The following MYB variants were observed in gnomAD, a reference collection of about 807,000 sequenced individuals.
The protein encoded by MYB is MYB proto-oncogene, transcription factor, also known as transcriptional activator Myb.
A neutral mutation model predicts 92.9 loss-of-function variants in MYB; 28 were observed. The ratio of observed to expected loss-of-function variants is 0.30; its 90% CI spans 0.22 to 0.41. The LOEUF is 0.41. Ranked by LOEUF, MYB falls within the 10% of genes least tolerant of loss-of-function variation. The pLI, the probability that MYB is intolerant of heterozygous loss-of-function variation, is 1.00. For missense variants in MYB, 679 were observed against 929.3 expected, an observed-to-expected ratio of 0.73 and a Z score of 3.50; for synonymous variants, 295 against 329.1, an observed-to-expected ratio of 0.90 and a Z score of 1.12.
At chr6:135,201,897 A>T in intron 14 of MYB, 148 bp downstream of exon 14, 1 of 419,606 alleles carries the variant, frequency 2.4e-6, no homozygotes, top group Non-Finnish European at 4.2e-6. Flanking sequence ...ATTTTTAAAA[A>T]ATGATTATTA....
chr6:135,184,322 C>CTTTT, intron 1 of MYB, among the ~76,000 whole-genome samples: 8 of 68,414 alleles, frequency 1.2e-4, no homozygotes, highest in African/African-American at 1.8e-4. Flanking sequence ...GGCTTTATAG[C>CTTTT]TTTTTTTTTT....
rs2229999 is a variant in MYB, at chr6:135,195,806, C to T, written c.1007C>T (p.Thr336Ile). 5.8e-4 allele frequency: 929 copies of T among 1,614,144 alleles called. 3 individuals carry two copies. In the African/African-American group the frequency reaches 0.011, roughly 19 times the overall value. ...GWHSTTIADHTRPHGDSAPVS... is the reference protein window; with the variant it reads ...GWHSTTIADHIRPHGDSAPVS... ...CACAGCACCACCATTGCCGACCACA[C>T]CAGACCTCATGGAGACAGTGCACCT... Residue 336 changes from threonine to isoleucine, a missense_variant, in exon 9 of 16, where the codon ACC (threonine) becomes ATC (isoleucine). Around this residue, in one of 8 missense-constraint regions of MYB, gnomAD observed 56 missense variants for 55.8 expected, o/e 1.00. Transcript: ENST00000341911.
At chr6:135,217,825 T>G (rs1202921499) in intron 15 of MYB, 39 bp from the exon 16 acceptor site, 1 of 1,430,836 alleles carries the variant, frequency 7.0e-7, no homozygotes, top group Admixed American at 1.7e-5. Context: ...AATGAGCTTC[T>G]TTGTCTGACG....
intron 14 of MYB, 109 bp from the exon 15 acceptor site, chr6:135,203,108 A>C (rs1778363819): frequency 1.2e-6 from 1 of 817,060 alleles, no homozygotes; most frequent in Admixed American, 2.1e-5. Flanking sequence ...GCATTTTTTT[A>C]TGCTAATGTG....
rs1250517270 is a variant in MYB at position 135,186,038 on chromosome 6, C to T, written c.141+18C>T. The T allele has an allele frequency of 6.3e-7, 1 of 1,595,970 alleles. No homozygotes were observed. The highest frequency in any genetic ancestry group is 1.1e-5 in the South Asian group (1 of 90,658). On this transcript the variant is annotated intron_variant, in intron 2 of 15. Coordinates refer to ENST00000341911, the MANE Select transcript of MYB (RefSeq NM_001130173.2). ...GGGAAGAGGTAACTAATCATTTTAT[C>T]AAGACGCAGAAAATAGATAGAGTGT...
intron 3 of MYB, among the ~76,000 whole-genome samples, chr6:135,188,769 C>T (rs776994259): frequency 4.6e-5 from 7 of 152,138 alleles, no homozygotes; most frequent in African/African-American, 1.2e-4. Context: ...CTCAGCCTCC[C>T]GAAGTGCTAG....
chr6:135,193,744 C>A, intron 6 of MYB, 94 bp from the exon 7 acceptor site: 2 of 740,616 alleles, frequency 2.7e-6, no homozygotes, highest in South Asian at 2.0e-5. Flanking sequence ...TGTTTTTTTT[C>A]TCTCAGTCCC....
Position 135,200,381 on chromosome 6 carries a change from A to C in MYB, c.1916A>C (p.Asn639Thr). The C allele has an allele frequency of 6.2e-7, 1 of 1,614,188 alleles. No individual in the cohort carries two copies. The highest frequency in any genetic ancestry group is 1.1e-5 in the South Asian group (1 of 91,080). Residue 639 changes from asparagine (N) to threonine (T), a missense_variant, in exon 13 of 16, where the codon AAT becomes ACT. Asn to Thr is a moderately conservative substitution (Grantham distance 65). This residue lies in a region of MYB where 402 missense variants were observed against 434.2 expected (regional missense o/e 0.93). Coordinates refer to ENST00000341911, the MANE Select transcript of MYB (RefSeq NM_001130173.2). ...GGAATTGTTGCTGAGTTTCAAGAAA[A>C]TGGACCACCCTTACTGAAGAAAATC... The part of the protein sequence containing the change: ...ESGIVAEFQE[N>T]GPPLLKKIKQ...
chr6:135,186,170 C>T (rs1297638965), intron 2 of MYB, 150 bp downstream of exon 2: 13 of 624,342 alleles, frequency 2.1e-5, no homozygotes, highest in Non-Finnish European at 3.1e-5. Flanking sequence ...CCCTATGCCC[C>T]CCACTTCATT....
rs918678690 is a variant in MYB at position 135,182,979 on chromosome 6, T to C, written c.23+1443T>C. Among the ~76,000 whole-genome samples the C allele has an allele frequency of 6.7e-6, 1 of 149,874 alleles. No individual in the cohort carries two copies. Among genetic ancestry groups the C allele is most frequent in the African/African-American group, 2.5e-5 (1 of 40,676 alleles). On this transcript the variant is annotated intron_variant, in intron 1 of 15. Coordinates refer to ENST00000341911, the MANE Select transcript of MYB (RefSeq NM_001130173.2). The surrounding 1 kb of genome is among the most constrained non-coding windows in gnomAD (Gnocchi z 5.6). ...GGGCTCCACTTTTCGCCTTTAGGACTTCACAGGACAGCTACCGGGGTCATC... is the reference window on the plus strand; with the variant it reads ...GGGCTCCACTTTTCGCCTTTAGGACCTCACAGGACAGCTACCGGGGTCATC...
At chr6:135,197,967 A>G (rs1274227029) in intron 10 of MYB, among the ~76,000 whole-genome samples, 1 of 152,238 alleles carries the variant, frequency 6.6e-6, no homozygotes, top group East Asian at 1.9e-4. Context: ...TTTTTAAGGC[A>G]TGAAAATCAC....
intron 11 of MYB, chr6:135,199,690 CA>C: frequency 2.6e-6 from 1 of 380,658 alleles, no homozygotes; most frequent in African/African-American, 2.2e-5. Flanking sequence ...TTTCGAAGTA[CA>C]AAAAGTAAAT....
At chr6:135,205,839 A>G (rs988213873) in intron 15 of MYB, among the ~76,000 whole-genome samples, 1 of 152,158 alleles carries the variant, frequency 6.6e-6, no homozygotes, top group Admixed American at 6.5e-5. Flanking sequence ...GGAAGCCAAG[A>G]CTGGAGGATA....
rs544172826 is a variant in MYB at position 135,217,873 on chromosome 6, A to G, written c.2179A>G (p.Ser727Gly). Residue 727 changes from serine to glycine, a missense_variant, in exon 16 of 16, where the codon AGT (serine) becomes GGT (glycine). This residue lies in a region of MYB where 402 missense variants were observed against 434.2 expected (regional missense o/e 0.93). Transcript: ENST00000341911. ...TCCCTTTCTCCATCAGCCTTGTAGC[A>G]GTACCTGGGAACCTGCATCCTGTGG... The part of the protein sequence containing the change: ...SLASPLQPCS[S>G]TWEPASCGKM... 14 of 1,609,294 alleles carry G rather than the reference A, an allele frequency of 8.7e-6. No individual in the cohort carries two copies. The East Asian group carries it at 1.6e-4, about 18-fold the overall frequency.
rs1388082769 is a variant in MYB at position 135,200,334 on chromosome 6, C to T, written c.1869C>T (p.Ile623=). 1 of 1,614,072 alleles carries T rather than the reference C, an allele frequency of 6.2e-7. No individual in the cohort carries two copies. The highest frequency in any genetic ancestry group is 1.1e-5 in the South Asian group (1 of 91,048). ...SHLVEDLQDV[I]KQESDESGIV... ...TAGTAGAAGATCTGCAGGATGTGAT[C>T]AAACAGGAATCTGATGAATCTGGAA... The change falls in exon 13 of 16, where the codon ATC becomes ATT. Residue 623 remains isoleucine, a synonymous_variant. Coordinates refer to ENST00000341911, the MANE Select transcript of MYB (RefSeq NM_001130173.2).
At chr6:135,187,309 A>G (rs1008380108) in intron 2 of MYB, among the ~76,000 whole-genome samples, 23 of 152,324 alleles carry the variant, frequency 1.5e-4, no homozygotes, top group African/African-American at 5.1e-4. Flanking sequence ...TCTTTATAAA[A>G]AGTTAAACTA....
chr6:135,197,061 A>G lies in MYB; in HGVS notation c.1304A>G (p.Gln435Arg), dbSNP rs1777421839. The change falls in exon 10 of 16, where the codon CAA (glutamine) becomes CGA (arginine). Residue 435 changes from glutamine (Q) to arginine (R), a missense_variant. Physicochemically the swap from Gln to Arg is conservative, Grantham distance 43. Coordinates refer to ENST00000341911, the MANE Select transcript of MYB (RefSeq NM_001130173.2). ...HHTGKALQLQ[Q>R]REGNGTKPAG... ...ACAGGCAAAGCCCTACAGCTTCAGCAAAGAGAGGGCAATGGGACTAAACCT... is the reference window on the plus strand; with the variant it reads ...ACAGGCAAAGCCCTACAGCTTCAGCGAAGAGAGGGCAATGGGACTAAACCT... The G allele has an allele frequency of 6.2e-7, 1 of 1,613,952 alleles. No homozygotes were observed. Among genetic ancestry groups the G allele is most frequent in the Admixed American group, 1.7e-5 (1 of 60,012 alleles).
chr6:135,217,399 CT>C (rs1780604234), intron 15 of MYB, among the ~76,000 whole-genome samples: 1 of 151,868 alleles, frequency 6.6e-6, no homozygotes, highest in Non-Finnish European at 1.5e-5. Flanking sequence ...TTAAACTATA[CT>C]GATAAATATT....
Position 135,192,295 on chromosome 6 carries a change from T to A in MYB, c.528-29T>A, listed in dbSNP as rs551824999. 5 of 1,579,202 alleles carry A rather than the reference T, an allele frequency of 3.2e-6. No individual in the cohort carries two copies. In the South Asian group the frequency reaches 5.5e-5, roughly 17 times the overall value. The stretch of plus-strand genomic sequence containing the variant: ...TAATCTGAATTGAAATTTTTGTTTG[T>A]GAAATTTGTGTGATATATTTCTGTG... On this transcript the variant is annotated intron_variant, in intron 5 of 15. Coordinates refer to ENST00000341911, the MANE Select transcript of MYB (RefSeq NM_001130173.2).
Sources: allele counts gnomAD v4.1 joint callset (sites outside exome capture counted in the v4.1 genomes callset), GRCh38; gene constraint gnomAD v4.1.1; regional missense constraint gnomAD v4.1.1; non-coding constraint Gnocchi (gnomAD v3.1); transcripts MANE v1.5; gene names NCBI Gene and HGNC (gene_info 2026-07-23, HGNC 2026-07-21).